EXT1: variants seen among roughly 807,000 people sequenced by gnomAD.
EXT1 encodes exostosin-1.
A neutral mutation model predicts 82.5 loss-of-function variants in EXT1; 20 were observed. That is an observed-to-expected ratio of 0.24 (90% CI 0.17 to 0.35). The LOEUF (loss-of-function observed/expected upper bound fraction) is 0.35. EXT1 is among the 10% of genes least tolerant of loss of function. The pLI is 1.00. For missense variants in EXT1, 757 were observed against 936.5 expected (o/e 0.81, Z 2.50); for synonymous variants, 348 against 350.8 (o/e 0.99, Z 0.09).
At chr8:118,020,000 T>C (rs1025881364) in intron 1 of EXT1, among the ~76,000 whole-genome samples, 16 of 152,234 alleles carry the variant, frequency 1.1e-4, no homozygotes, top group Admixed American at 1.0e-3. Flanking sequence ...CCCCTGGTTA[T>C]TTTGGGGTTG....
At chr8:118,093,268 C>CAAAAAAAAAAAAA (rs10594150) in intron 1 of EXT1, among the ~76,000 whole-genome samples, 1 of 66,784 alleles carries the variant, frequency 1.5e-5, no homozygotes. Context: ...AAATTCCCAG[C>CAAAAAAAAAAAAA]AAAAAAAAAA....
chr8:117,888,384 G>A (rs1399524236), intron 1 of EXT1, among the ~76,000 whole-genome samples: 2 of 152,146 alleles, frequency 1.3e-5, no homozygotes, highest in African/African-American at 2.4e-5. Flanking sequence ...GACAGCATGA[G>A]TTTCAGATCT....
chr8:117,910,043 C>T (rs1813616986), intron 1 of EXT1, among the ~76,000 whole-genome samples: 1 of 152,196 alleles, frequency 6.6e-6, no homozygotes, highest in African/African-American at 2.4e-5. Flanking sequence ...GTTGGGATTA[C>T]AGGCATAAGC....
chr8:118,070,758 CCT>C (rs1448897048), intron 1 of EXT1, among the ~76,000 whole-genome samples: 2 of 152,064 alleles, frequency 1.3e-5, no homozygotes, highest in Admixed American at 6.5e-5. Flanking sequence ...GGAAATCTCC[CCT>C]GACATAAATT....
chr8:117,812,813 G>A, intron 8 of EXT1, 59 bp downstream of exon 8: 2 of 1,430,932 alleles, frequency 1.4e-6, no homozygotes, highest in East Asian at 2.3e-5. Flanking sequence ...TTAGCATCGT[G>A]CAACATGAGG....
chr8:118,073,647 GA>G (rs1817144028), intron 1 of EXT1, among the ~76,000 whole-genome samples: 1 of 97,120 alleles, frequency 1.0e-5, no homozygotes, highest in African/African-American at 3.9e-5. Context: ...GAGAAGAGAA[GA>G]GAAGAGAAGA....
chr8:118,029,435 T>C lies in EXT1; in HGVS notation c.962+80650A>G, dbSNP rs111252133. On this transcript the variant is annotated intron_variant, in intron 1 of 10. Coordinates refer to ENST00000378204, the MANE Select transcript of EXT1 (RefSeq NM_000127.3). ...GACCTCATCTCTTTATTAAATAAAT[T>C]AATAAATAAAAAGTTACAAGTAATC... Among the ~76,000 whole-genome samples the C allele has an allele frequency of 2.4e-3, 360 of 152,134 alleles. 3 individuals are homozygous for C. Among genetic ancestry groups the C allele is most frequent in the South Asian group, 0.016 (79 of 4,816 alleles).
At chr8:117,816,855 G>A (rs1193967541) in intron 7 of EXT1, among the ~76,000 whole-genome samples, 2 of 152,176 alleles carry the variant, frequency 1.3e-5, no homozygotes, top group Non-Finnish European at 2.9e-5. Flanking sequence ...CAGAAGCAGA[G>A]CTGGTCTCCT....
At chr8:117,821,397 TA>T (rs1294968275) in intron 5 of EXT1, among the ~76,000 whole-genome samples, 2 of 152,232 alleles carry the variant, frequency 1.3e-5, no homozygotes, top group Non-Finnish European at 2.9e-5. Context: ...AAGCATCATT[TA>T]TACACCTCTA....
At chr8:117,835,760 G>T (rs1160642628) in intron 2 of EXT1, among the ~76,000 whole-genome samples, 1 of 152,174 alleles carries the variant, frequency 6.6e-6, no homozygotes, top group African/African-American at 2.4e-5. Context: ...ATATTTGCAA[G>T]TCTTGCCCTA....
chr8:117,821,660 G>A (rs1353641333), intron 5 of EXT1, among the ~76,000 whole-genome samples: 1 of 152,138 alleles, frequency 6.6e-6, no homozygotes. Context: ...AACTTAAAAG[G>A]GTGAGGGTGT....
At chr8:117,976,878 A>C (rs1212246301) in intron 1 of EXT1, among the ~76,000 whole-genome samples, 1 of 152,114 alleles carries the variant, frequency 6.6e-6, no homozygotes. Flanking sequence ...CCTTTTGGAT[A>C]AGCTGAGTAG....
intron 1 of EXT1, among the ~76,000 whole-genome samples, chr8:118,056,912 GGA>G (rs1223582575): frequency 6.6e-6 from 1 of 152,140 alleles, no homozygotes; most frequent in Non-Finnish European, 1.5e-5. Context: ...GTCAGACTTA[GGA>G]GAACAACTCC....
intron 1 of EXT1, among the ~76,000 whole-genome samples, chr8:117,954,744 G>GA (rs748556340): frequency 2.6e-5 from 4 of 152,132 alleles, no homozygotes; most frequent in Admixed American, 1.3e-4. Flanking sequence ...ATGTGGGGGG[G>GA]ACCTGTTTCT....
In EXT1 at chr8:117,932,106, A is replaced by G. The variant is rs17504624; in HGVS notation, c.963-94905T>C. 9.0e-3 allele frequency among the ~76,000 whole-genome samples: 1,374 copies of G among 152,344 alleles called. 21 individuals carry two copies. Among genetic ancestry groups the G allele is most frequent in the African/African-American group, 0.032 (1,316 of 41,564 alleles). On this transcript the variant is annotated intron_variant, in intron 1 of 10. Transcript: ENST00000378204. ...TAGTTTTACTAAAACTCAATTGTCC[A>G]TATTGAATTTTGCAGTAGAAAAATA... is the stretch of plus-strand genomic sequence containing the variant.
chr8:117,864,578 T>G (rs898473595), intron 1 of EXT1, among the ~76,000 whole-genome samples: 9 of 151,674 alleles, frequency 5.9e-5, no homozygotes, highest in Non-Finnish European at 1.0e-4. Context: ...TGAAACCCCG[T>G]CTCTACTAAA....
intron 1 of EXT1, among the ~76,000 whole-genome samples, chr8:117,936,342 T>C (rs1477618507): frequency 2.0e-5 from 3 of 152,226 alleles, no homozygotes; most frequent in Non-Finnish European, 4.4e-5. Context: ...ATGCACTTTG[T>C]GAGTCAAATA....
chr8:117,954,474 TGACTGAGCCATG>T (rs1814551574), intron 1 of EXT1, among the ~76,000 whole-genome samples: 1 of 152,180 alleles, frequency 6.6e-6, no homozygotes. Context: ...TCTAGGGATA[TGACTGAGCCATG>T]GACTGAGCCA....
intron 1 of EXT1, among the ~76,000 whole-genome samples, chr8:118,106,095 G>A (rs900814465): frequency 7.2e-5 from 11 of 152,210 alleles, no homozygotes; most frequent in Non-Finnish European, 2.9e-5. Flanking sequence ...TTGTAAGTCT[G>A]AGGATGCCCT....
Sources: allele counts gnomAD v4.1 joint callset (sites outside exome capture counted in the v4.1 genomes callset), GRCh38; gene constraint gnomAD v4.1.1; transcripts MANE v1.5; gene names NCBI Gene and HGNC (gene_info 2026-07-23, HGNC 2026-07-21).